Variants in FRMPD4 observed in about 807,000 individuals in gnomAD.
FRMPD4 encodes FERM and PDZ domain-containing protein 4.
In FRMPD4, 22 loss-of-function variants were observed where a neutral mutation model predicts 94.1. That is an observed-to-expected ratio of 0.23 (90% CI 0.17 to 0.33). The LOEUF is 0.33. Ranked by LOEUF, FRMPD4 falls within the 10% of genes least tolerant of loss-of-function variation. The probability of loss-of-function intolerance (pLI) is 1.00; values close to 1 mark genes in which losing one functional copy is unlikely to be tolerated. For synonymous variants in FRMPD4, 631 were observed against 548.6 expected, an observed-to-expected ratio of 1.15 and a Z score of -2.10; for missense variants, 1,111 against 1,339.9, an observed-to-expected ratio of 0.83 and a Z score of 2.67.
intron 1 of FRMPD4, among the ~76,000 whole-genome samples, chrX:11,842,892 A>C (rs2053546891): frequency 9.1e-6 from 1 of 109,392 alleles, no homozygotes; most frequent in Non-Finnish European, 1.9e-5. Flanking sequence ...GGTTTGTCAT[A>C]GATAGCTCTT....
intron 9 of FRMPD4, among the ~76,000 whole-genome samples, chrX:12,696,816 A>C (rs1015995983): frequency 8.9e-6 from 1 of 112,142 alleles, no homozygotes; most frequent in African/African-American, 3.2e-5. Context: ...GTAGAAAAAA[A>C]AGTAGGCGGA....
chrX:12,703,236 T>C (rs2041819082), intron 10 of FRMPD4, among the ~76,000 whole-genome samples: 1 of 112,566 alleles, frequency 8.9e-6, no homozygotes, highest in Non-Finnish European at 1.9e-5. Context: ...TACTAATATG[T>C]ATGAATTATA....
intron 1 of FRMPD4, among the ~76,000 whole-genome samples, chrX:12,386,479 T>C (rs1261046891): frequency 8.9e-6 from 1 of 112,050 alleles, no homozygotes; most frequent in Non-Finnish European, 1.9e-5. Context: ...CATTCTGGGG[T>C]CTATCTAACC....
chrX:12,108,616 G>C (rs1319151876), intron 3 of FRMPD4, among the ~76,000 whole-genome samples: 1 of 111,874 alleles, frequency 8.9e-6, no homozygotes, highest in Non-Finnish European at 1.9e-5. Context: ...CCAATTAAAA[G>C]ACACAGACTG....
intron 1 of FRMPD4, among the ~76,000 whole-genome samples, chrX:12,382,677 C>T (rs1415729576): frequency 1.8e-5 from 2 of 111,496 alleles, no homozygotes; most frequent in African/African-American, 6.5e-5. Context: ...TCAGGACTAC[C>T]GAGGAATGTG....
Position 12,597,144 on chromosome X carries a change from T to A in FRMPD4, c.159-12577T>A, listed in dbSNP as rs1489758875. On this transcript the variant is annotated intron_variant, in intron 2 of 16. Coordinates refer to ENST00000675598, the MANE Select transcript of FRMPD4 (RefSeq NM_001368397.1). ...TAGAGTATCATTAACATAAAAGTCA[T>A]CTCTTAAACACATTAAACTGAACTC... Among the ~76,000 whole-genome samples the A allele has an allele frequency of 2.7e-5, 3 of 111,895 alleles. No homozygotes were observed. The Admixed American group carries it at 2.8e-4, about 11-fold the overall frequency.
chrX:12,591,881 A>C (rs1039968808), intron 2 of FRMPD4, among the ~76,000 whole-genome samples: 1 of 111,430 alleles, frequency 9.0e-6, no homozygotes, highest in Non-Finnish European at 1.9e-5. Context: ...GAGTACTTTG[A>C]ACTAAAGAAG....
chrX:12,072,144 C>T (rs1252130169), intron 3 of FRMPD4, among the ~76,000 whole-genome samples: 1 of 111,341 alleles, frequency 9.0e-6, no homozygotes, highest in Non-Finnish European at 1.9e-5. Context: ...GCATGTGCCA[C>T]CACACCTGGC....
chrX:12,566,167 A>G (rs958887721), intron 2 of FRMPD4, among the ~76,000 whole-genome samples: 2 of 111,827 alleles, frequency 1.8e-5, no homozygotes, highest in African/African-American at 6.5e-5. Context: ...GGCTACAGAA[A>G]CGAATTATGA....
chrX:12,137,574 A>G (rs1051626581), upstream of FRMPD4, among the ~76,000 whole-genome samples: 1 of 111,660 alleles, frequency 9.0e-6, no homozygotes, highest in African/African-American at 3.3e-5. Flanking sequence ...TCTGGGGGGA[A>G]ATTTTAAAGG....
At chrX:11,837,384 T>A (rs1366189798) in intron 1 of FRMPD4, among the ~76,000 whole-genome samples, 2 of 111,701 alleles carry the variant, frequency 1.8e-5, no homozygotes, top group African/African-American at 6.5e-5. Context: ...TTTTGGAATG[T>A]CCTTATATTC....
At chrX:12,137,663 G>T (rs187508907), upstream of FRMPD4, among the ~76,000 whole-genome samples, 1 of 112,204 alleles carries the variant, frequency 8.9e-6, no homozygotes, top group Non-Finnish European at 1.9e-5. Context: ...CCAGGAGGTA[G>T]AACTGAGTTA....
At chrX:12,051,816 T>C (rs995423858) in intron 3 of FRMPD4, among the ~76,000 whole-genome samples, 4 of 110,786 alleles carry the variant, frequency 3.6e-5, no homozygotes, top group African/African-American at 1.3e-4. Context: ...GTGGTTGAAG[T>C]GATGACAAAG....
chrX:12,715,997 A>AGGCTGG, intron 14 of FRMPD4, 72 bp from the exon 15 acceptor site: 1 of 387,126 alleles, frequency 2.6e-6, no homozygotes, highest in Non-Finnish European at 4.6e-6. Flanking sequence ...AACAGAGACG[A>AGGCTGG]GCCTCCCACC....
chrX:12,621,067 A>G (rs1243665956), intron 4 of FRMPD4, among the ~76,000 whole-genome samples: 1 of 111,003 alleles, frequency 9.0e-6, no homozygotes, highest in African/African-American at 3.3e-5. Flanking sequence ...CTAAAAATAC[A>G]AAAAGAAAAA....
intron 1 of FRMPD4, among the ~76,000 whole-genome samples, chrX:12,470,131 G>A (rs1361999012): frequency 8.9e-6 from 1 of 112,170 alleles, no homozygotes; most frequent in African/African-American, 3.2e-5. Context: ...GAGCCAGTCA[G>A]AAGGGAGCCA....
At position 12,724,084 on chromosome X, in the gene FRMPD4, A is replaced by G. The variant is rs1156781166; in HGVS notation, c.*2226A>G. On this transcript the variant is annotated 3_prime_UTR_variant, in exon 17 of 17. Coordinates refer to ENST00000675598, the MANE Select transcript of FRMPD4 (RefSeq NM_001368397.1). ...GTGGGGGAATGTTTGTTTTATATGC[A>G]TATTGTATCCTGACTGTGTGCAGAA... The G allele has an allele frequency of 8.9e-6, 1 of 111,989 alleles. No homozygotes were observed. The highest frequency in any genetic ancestry group is 1.9e-5 in the Non-Finnish European group (1 of 53,240). 9.2% of individuals were successfully genotyped at this position (111,989 alleles called of 1,213,427 possible). A position where few individuals can be genotyped will look rare whatever the true frequency, so the allele number is the denominator to read the frequency against.
intron 1 of FRMPD4, among the ~76,000 whole-genome samples, chrX:12,382,827 G>A (rs1346578266): frequency 8.9e-6 from 1 of 112,135 alleles, no homozygotes; most frequent in Non-Finnish European, 1.9e-5. Flanking sequence ...TTAATTGTTT[G>A]TTAAACATGA....
chrX:12,147,715 A>G (rs1319801946), intron 1 of FRMPD4, among the ~76,000 whole-genome samples: 2 of 111,969 alleles, frequency 1.8e-5, no homozygotes, highest in Non-Finnish European at 3.8e-5. Flanking sequence ...TAGATACTGC[A>G]CTTTCTACAA....
Sources: allele counts gnomAD v4.1 joint callset (sites outside exome capture counted in the v4.1 genomes callset), GRCh38; gene constraint gnomAD v4.1.1; transcripts MANE v1.5; gene names NCBI Gene and HGNC (gene_info 2026-07-23, HGNC 2026-07-21).